The following SKA1 variants were observed in gnomAD, a reference collection of about 807,000 sequenced individuals.
The protein encoded by SKA1 is SKA complex subunit 1.
SKA1 carries 20 observed loss-of-function variants against 31.8 expected under a neutral mutation model. That is an observed-to-expected ratio of 0.63 (90% CI 0.44 to 0.91). The LOEUF is 0.91. SKA1 is among the 40% of genes least tolerant of loss of function. The pLI, the probability that SKA1 is intolerant of heterozygous loss-of-function variation, is 0.00. For synonymous variants in SKA1, 88 were observed against 100.5 expected (o/e 0.88, Z 0.74); for missense variants, 253 against 298.2 (o/e 0.85, Z 1.12).
In SKA1 at chr18:50,385,344, G is replaced by GC. The variant is rs1599728576; in HGVS notation, c.440_441insC (p.Val148CysfsTer12). On this transcript the variant is annotated frameshift_variant, in exon 5 of 7. Transcript: ENST00000285116. LOFTEE classifies it high-confidence loss of function. ...TTTATAACTTGTGATGAGTTCAATG[G>GC]TGTTCCTTCGTAAGTATTTAAGATA... The GC allele has an allele frequency of 2.5e-6, 4 of 1,606,574 alleles. No individual in the cohort carries two copies. Among genetic ancestry groups the GC allele is most frequent in the South Asian group, 2.2e-5 (2 of 89,070 alleles).
chr18:50,378,188 T>A (rs1456216096), intron 2 of SKA1, among the ~76,000 whole-genome samples: 1 of 152,182 alleles, frequency 6.6e-6, no homozygotes, highest in Non-Finnish European at 1.5e-5. Flanking sequence ...AATTTGGAGA[T>A]CTATACAACT....
At chr18:50,384,372 C>G (rs2041285413) in intron 4 of SKA1, among the ~76,000 whole-genome samples, 1 of 152,120 alleles carries the variant, frequency 6.6e-6, no homozygotes, top group Non-Finnish European at 1.5e-5. Context: ...GGCAACATCC[C>G]TGGCAGTTAA....
intron 4 of SKA1, 59 bp downstream of exon 4, chr18:50,382,285 C>A: frequency 9.4e-7 from 1 of 1,061,156 alleles, no homozygotes; most frequent in Non-Finnish European, 1.3e-6. Context: ...AAAACAAGTT[C>A]TTCAAAGCCT....
intron 5 of SKA1, among the ~76,000 whole-genome samples, chr18:50,387,646 T>C (rs1362591036): frequency 6.6e-6 from 1 of 152,252 alleles, no homozygotes; most frequent in African/African-American, 2.4e-5. Context: ...TAGCTGAGTC[T>C]AGTCTGCTGA....
At chr18:50,384,032 G>C (rs2041283149) in intron 4 of SKA1, among the ~76,000 whole-genome samples, 1 of 152,156 alleles carries the variant, frequency 6.6e-6, no homozygotes, top group Admixed American at 6.5e-5. Context: ...GGATTCCCTT[G>C]GCTTGCTCCT....
intron 4 of SKA1, 145 bp downstream of exon 4, chr18:50,382,371 C>A (rs1370631668): frequency 1.8e-5 from 9 of 496,438 alleles, no homozygotes; most frequent in Non-Finnish European, 1.4e-5. Flanking sequence ...ACAGTATTTC[C>A]ATGTTCACCA....
chr18:50,387,347 A>C (rs1398492357), intron 5 of SKA1, among the ~76,000 whole-genome samples: 1 of 152,154 alleles, frequency 6.6e-6, no homozygotes, highest in African/African-American at 2.4e-5. Context: ...TTTCATATTG[A>C]TATACTTATT....
In SKA1 at chr18:50,385,235, G is replaced by T. The variant is rs201648446; in HGVS notation, c.331G>T (p.Asp111Tyr). 6.8e-6 allele frequency: 11 copies of T among 1,613,300 alleles called. No homozygotes were observed. The African/African-American group carries it at 1.5e-4, about 22-fold the overall frequency. The change falls in exon 5 of 7, where the codon GAT (aspartate) becomes TAT (tyrosine). Residue 111 changes from aspartate (D) to tyrosine (Y), a missense_variant. Physicochemically the swap from Asp to Tyr is radical, Grantham distance 160 (BLOSUM62 -3). Coordinates refer to ENST00000285116, the MANE Select transcript of SKA1 (RefSeq NM_145060.4). ...TQSCVKGSDLDPEEPIKVEEP... is the reference protein window; with the variant it reads ...TQSCVKGSDLYPEEPIKVEEP... ...CTGTAGTGTTAAGGGATCAGATCTT[G>T]ATCCTGAAGAACCAATCAAAGTTGA...
chr18:50,377,065 G>T (rs1463118991), intron 2 of SKA1, among the ~76,000 whole-genome samples: 1 of 151,842 alleles, frequency 6.6e-6, no homozygotes, highest in Non-Finnish European at 1.5e-5. Flanking sequence ...TAGGTAGAAG[G>T]AGTACACTCT....
In SKA1 at chr18:50,380,206, G is replaced by T. The variant is rs755045769; in HGVS notation, c.169G>T (p.Glu57Ter). 6.5e-7 allele frequency: 1 copy of T among 1,550,310 alleles called. No homozygotes were observed. The highest frequency in any genetic ancestry group is 8.6e-7 in the Non-Finnish European group (1 of 1,157,530). The change falls in exon 3 of 7, where the codon GAA becomes TAA. Residue 57 changes from glutamate to a stop codon, truncating the protein, a stop_gained. Coordinates refer to ENST00000285116, the MANE Select transcript of SKA1 (RefSeq NM_145060.4). LOFTEE classifies it high-confidence loss of function. ...IVINELLNKL[E>*]LEIQYQEQTN... ...AATAAATGAACTTCTAAATAAATTG[G>T]AATTGGAAATTCAGTATCAAGAACA...
chr18:50,382,416 A>C (rs1056215072), intron 4 of SKA1, among the ~76,000 whole-genome samples, 190 bp downstream of exon 4: 5 of 152,194 alleles, frequency 3.3e-5, no homozygotes, highest in Non-Finnish European at 4.4e-5. Context: ...GGAAAATCTA[A>C]CACTTCTTTC....
Position 50,385,319 on chromosome 18 carries a change from T to C in SKA1, c.415T>C (p.Phe139Leu). 1 of 1,613,524 alleles carries C rather than the reference T, an allele frequency of 6.2e-7. No homozygotes were observed. The highest frequency in any genetic ancestry group is 2.2e-5 in the East Asian group (1 of 44,792). ...KEQRSIKEMP[F>L]ITCDEFNGVP... ...GCAAAGAAGTATTAAGGAAATGCCA[T>C]TTATAACTTGTGATGAGTTCAATGG... Residue 139 changes from phenylalanine to leucine, a missense_variant, in exon 5 of 7, where the codon TTT (phenylalanine) becomes CTT (leucine). Physicochemically the swap from Phe to Leu is conservative, Grantham distance 22. Coordinates refer to ENST00000285116, the MANE Select transcript of SKA1 (RefSeq NM_145060.4).
At chr18:50,378,674 CAAAAA>C (rs60131407) in intron 2 of SKA1, among the ~76,000 whole-genome samples, 5 of 130,184 alleles carry the variant, frequency 3.8e-5, no homozygotes, top group East Asian at 2.2e-4. Flanking sequence ...GACCCTGTCT[CAAAAA>C]AAAAAAAAAA....
intron 2 of SKA1, among the ~76,000 whole-genome samples, chr18:50,377,408 G>A (rs1435062619): frequency 2.0e-5 from 3 of 152,184 alleles, no homozygotes; most frequent in African/African-American, 7.2e-5. Flanking sequence ...CTCCATAGGG[G>A]TAAAAGTAGT....
intron 5 of SKA1, among the ~76,000 whole-genome samples, chr18:50,388,538 G>A (rs1385991519): frequency 1.8e-5 from 1 of 54,802 alleles, no homozygotes; most frequent in Non-Finnish European, 3.3e-5. Context: ...GTGTTGGAGA[G>A]GAGAAGCATT....
intron 5 of SKA1, among the ~76,000 whole-genome samples, chr18:50,390,372 C>A (rs1188192273): frequency 6.6e-6 from 1 of 152,196 alleles, no homozygotes; most frequent in South Asian, 2.1e-4. Context: ...TGAAGCAGAT[C>A]ATCAAGTTTT....
chr18:50,377,783 G>A (rs1175329395), intron 2 of SKA1, among the ~76,000 whole-genome samples: 1 of 152,180 alleles, frequency 6.6e-6, no homozygotes, highest in African/African-American at 2.4e-5. Flanking sequence ...ATGTTAGATA[G>A]GCCATTTCGA....
intron 6 of SKA1, 65 bp from the exon 7 acceptor site, chr18:50,392,034 A>C (rs534362647): frequency 8.0e-7 from 1 of 1,252,036 alleles, no homozygotes; most frequent in East Asian, 2.6e-5. Context: ...TTCACAACTT[A>C]ATGTATTAAA....
chr18:50,383,559 A>G (rs1004280542), intron 4 of SKA1, among the ~76,000 whole-genome samples: 6 of 152,098 alleles, frequency 3.9e-5, no homozygotes, highest in Non-Finnish European at 7.4e-5. Flanking sequence ...TGTTCCCCAC[A>G]TATCCTCCCA....
Sources: allele counts gnomAD v4.1 joint callset (sites outside exome capture counted in the v4.1 genomes callset), GRCh38; gene constraint gnomAD v4.1.1; transcripts MANE v1.5; gene names NCBI Gene and HGNC (gene_info 2026-07-23, HGNC 2026-07-21).